The following GCN1 variants were observed in gnomAD, a reference collection of about 807,000 sequenced individuals.
The protein encoded by GCN1 is GCN1 activator of EIF2AK4, also known as stalled ribosome sensor GCN1.
In GCN1, 90 loss-of-function variants were observed where a neutral mutation model predicts 288.4. The ratio of observed to expected loss-of-function variants is 0.31; its 90% CI spans 0.26 to 0.37. The LOEUF (loss-of-function observed/expected upper bound fraction) is 0.37, where lower values mean the gene tolerates loss of function less well. GCN1 is among the 10% of genes least tolerant of loss of function. The pLI is 1.00. For missense variants in GCN1, 2,586 were observed against 3,419.9 expected (o/e 0.76, Z 6.08); for synonymous variants, 1,386 against 1,420.2 (o/e 0.98, Z 0.54).
chr12:120,161,046 GAAGGA>G (rs963191903), intron 22 of GCN1, among the ~76,000 whole-genome samples: 14 of 152,180 alleles, frequency 9.2e-5, no homozygotes, highest in Non-Finnish European at 1.9e-4. Context: ...CAAACGCTGA[GAAGGA>G]AAGAGTCCTG....
chr12:120,174,270 C>G (rs1878401990), intron 12 of GCN1, 101 bp from the exon 13 acceptor site: 2 of 710,718 alleles, frequency 2.8e-6, no homozygotes, highest in Non-Finnish European at 5.2e-6. Flanking sequence ...CAGACCTCTT[C>G]TGTGTCTCCA....
At chr12:120,145,193 T>C in intron 39 of GCN1, 69 bp downstream of exon 39, 1 of 1,553,218 alleles carries the variant, frequency 6.4e-7, no homozygotes, top group South Asian at 1.2e-5. Context: ...CTTTGGGGAA[T>C]TCTCAGGAAT....
At chr12:120,175,293 T>C in intron 11 of GCN1, 81 bp from the exon 12 acceptor site, 1 of 1,243,518 alleles carries the variant, frequency 8.0e-7, no homozygotes, top group South Asian at 1.2e-5. Context: ...ACGTGTGTGA[T>C]GCCACGATAC....
In GCN1 at chr12:120,156,714, G is replaced by T; in HGVS notation, c.3169-110C>A. ...ACCCCTACAGCACTGCAAGGGCTAA[G>T]ACCCCAGCTCCAGTGGCAGGACCCA... On this transcript the variant is annotated intron_variant, in intron 27 of 57. Coordinates refer to ENST00000300648, the MANE Select transcript of GCN1 (RefSeq NM_006836.2). The surrounding 1 kb of genome is among the most constrained non-coding windows in gnomAD (Gnocchi z 5.8). The T allele has an allele frequency of 1.7e-6, 2 of 1,151,196 alleles. No homozygotes were observed. The highest frequency in any genetic ancestry group is 2.5e-6 in the Non-Finnish European group (2 of 789,010). 71.3% of individuals were successfully genotyped at this position (1,151,196 alleles called of 1,614,324 possible).
At chr12:120,184,072 C>A in intron 4 of GCN1, 40 bp downstream of exon 4, 2 of 1,581,674 alleles carry the variant, frequency 1.3e-6, no homozygotes, top group Non-Finnish European at 1.7e-6. Context: ...CTGAGCAGGA[C>A]TGTACCAATT....
At chr12:120,131,889 C>A (rs781050961) in intron 54 of GCN1, 37 bp downstream of exon 54, 4 of 1,348,754 alleles carry the variant, frequency 3.0e-6, no homozygotes, top group African/African-American at 1.4e-5. Context: ...GGCTGAGAGG[C>A]CCAGGTCCCT....
intron 1 of GCN1, 150 bp downstream of exon 1, chr12:120,194,530 G>C (rs1019447435): frequency 1.4e-5 from 11 of 778,680 alleles, no homozygotes; most frequent in Non-Finnish European, 7.8e-6. Context: ...CCGCAGCCCT[G>C]AGAGTCCAGC....
chr12:120,177,640 A>T, intron 8 of GCN1, 44 bp downstream of exon 8: 3 of 1,557,074 alleles, frequency 1.9e-6, no homozygotes, highest in Non-Finnish European at 8.9e-7. Context: ...AGAATTGAAA[A>T]TGGGATCAGT....
In GCN1 at chr12:120,153,202, A is replaced by G. The variant is rs1239246389; in HGVS notation, c.4062+11T>C. The G allele has an allele frequency of 6.2e-7, 1 of 1,612,356 alleles. No homozygotes were observed. The highest frequency in any genetic ancestry group is 1.7e-5 in the Admixed American group (1 of 60,000). On this transcript the variant is annotated intron_variant, in intron 33 of 57. Coordinates refer to ENST00000300648, the MANE Select transcript of GCN1 (RefSeq NM_006836.2). This position sits in a 1 kb window ranked among gnomAD's most constrained non-coding sequence, Gnocchi z 4.4. ...AACCGACATGTGGGTCCCAGGCCAG[A>G]TGGCAGGTACCTGCTGGGAGGGGGT...
intron 53 of GCN1, among the ~76,000 whole-genome samples, chr12:120,132,917 C>G (rs527237069): frequency 1.3e-5 from 2 of 152,342 alleles, no homozygotes; most frequent in Non-Finnish European, 2.9e-5. Flanking sequence ...AGGTGCCAAG[C>G]TAAAGCTGGC....
intron 1 of GCN1, 82 bp downstream of exon 1, chr12:120,194,598 G>T: frequency 7.8e-7 from 1 of 1,280,902 alleles, no homozygotes; most frequent in Non-Finnish European, 1.1e-6. Context: ...CCCCTAAGCC[G>T]AGGAGCGAGA....
chr12:120,172,713 T>C (rs1248295729), intron 14 of GCN1, among the ~76,000 whole-genome samples: 1 of 152,188 alleles, frequency 6.6e-6, no homozygotes, highest in Non-Finnish European at 1.5e-5. Flanking sequence ...TACACCATGT[T>C]GGCCAGGCTG....
Position 120,137,119 on chromosome 12 carries a change from C to G in GCN1, c.6777+87G>C. The stretch of plus-strand genomic sequence containing the variant: ...CACCACGGCTACTGCTCCAGCAGCC[C>G]CTACCGCAGACCTGGGACAGGGGTA... On this transcript the variant is annotated intron_variant, in intron 50 of 57. Coordinates refer to ENST00000300648, the MANE Select transcript of GCN1 (RefSeq NM_006836.2). The surrounding 1 kb of genome is among the most constrained non-coding windows in gnomAD (Gnocchi z 5.2). 1 of 922,458 alleles carries G rather than the reference C, an allele frequency of 1.1e-6. No individual in the cohort carries two copies. The highest frequency in any genetic ancestry group is 1.8e-6 in the Non-Finnish European group (1 of 560,510). The allele number at this position is 922,458 out of a possible 1,614,324, so 57.1% of individuals were successfully genotyped here.
chr12:120,162,159 G>A (rs1877952614), intron 20 of GCN1, 101 bp from the exon 21 acceptor site: 1 of 934,188 alleles, frequency 1.1e-6, no homozygotes. Flanking sequence ...CCTTCTTTAT[G>A]CCACTGCCTT....
intron 50 of GCN1, 43 bp from the exon 51 acceptor site, chr12:120,136,775 T>A: frequency 7.0e-7 from 1 of 1,434,976 alleles, no homozygotes; most frequent in Non-Finnish European, 9.8e-7. Context: ...TCAAACACCC[T>A]GGGCCCTGGT....
Position 120,132,031 on chromosome 12 carries a change from G to A in GCN1, c.7318-9C>T. 1.3e-6 allele frequency: 2 copies of A among 1,557,666 alleles called. No homozygotes were observed. Among genetic ancestry groups the A allele is most frequent in the Middle Eastern group, 1.7e-4 (1 of 5,910 alleles). Reference sequence around the variant, plus strand: ...GAGATGCGAGTGTTGTCCTGACAGGGAAGAGAAGGGAGTGAGGGGGTGCAG... The same window carrying A: ...GAGATGCGAGTGTTGTCCTGACAGGAAAGAGAAGGGAGTGAGGGGGTGCAG... On this transcript the variant is annotated splice_polypyrimidine_tract_variant and intron_variant, in intron 53 of 57. Transcript: ENST00000300648.
At chr12:120,163,981 T>A (rs1358259757) in intron 18 of GCN1, among the ~76,000 whole-genome samples, 1 of 151,858 alleles carries the variant, frequency 6.6e-6, no homozygotes, top group Non-Finnish European at 1.5e-5. Context: ...AATCAAAAAA[T>A]TAGCGGCCAC....
At chr12:120,177,357 C>G in intron 9 of GCN1, 90 bp downstream of exon 9, 1 of 689,864 alleles carries the variant, frequency 1.4e-6, no homozygotes. Context: ...TCCCTCCCCC[C>G]TACCACACAC....
chr12:120,185,097 A>T (rs546586827), intron 2 of GCN1, among the ~76,000 whole-genome samples: 1 of 152,352 alleles, frequency 6.6e-6, no homozygotes, highest in South Asian at 2.1e-4. Flanking sequence ...TGCTAAATGA[A>T]CGAAACTAAG....
Sources: allele counts gnomAD v4.1 joint callset (sites outside exome capture counted in the v4.1 genomes callset), GRCh38; gene constraint gnomAD v4.1.1; non-coding constraint Gnocchi (gnomAD v3.1); transcripts MANE v1.5; gene names NCBI Gene and HGNC (gene_info 2026-07-23, HGNC 2026-07-21).